Variants in DENND2A observed in about 807,000 individuals in gnomAD.
DENND2A encodes DENN domain containing 2A, also known as DENN domain-containing protein 2A.
DENND2A carries 53 observed loss-of-function variants against 105.3 expected under a neutral mutation model. The observed-to-expected ratio is 0.50, with a 90% CI of 0.40 to 0.63. The LOEUF (loss-of-function observed/expected upper bound fraction) is 0.63. Among genes scored for constraint, DENND2A ranks in the 30% least tolerant of loss-of-function variants. The probability of loss-of-function intolerance (pLI) is 0.00; values close to 1 mark genes in which losing one functional copy is unlikely to be tolerated. For synonymous variants in DENND2A, 522 were observed against 508.4 expected (o/e 1.03, Z -0.36); for missense variants, 1,138 against 1,279.6 (o/e 0.89, Z 1.69).
At chr7:140,591,671 C>CTT (rs1375928954) in intron 3 of DENND2A, among the ~76,000 whole-genome samples, 5,546 of 145,980 alleles carry the variant, frequency 0.038, 209 homozygotes, top group African/African-American at 0.1. Context: ...TTCTTTCTTT[C>CTT]TCTTTCTTTC....
rs367621201 is a variant in DENND2A at position 140,546,849 on chromosome 7, G to T, written c.2128C>A (p.Leu710Met). 5.0e-6 allele frequency: 8 copies of T among 1,614,194 alleles called. No individual in the cohort carries two copies. Among genetic ancestry groups the T allele is most frequent in the Non-Finnish European group, 6.8e-6 (8 of 1,180,026 alleles). The change falls in exon 13 of 20, where the codon CTG becomes ATG. Residue 710 changes from leucine to methionine, a missense_variant. Coordinates refer to ENST00000496613, the MANE Select transcript of DENND2A (RefSeq NM_015689.5). Reference sequence around the variant, plus strand: ...TTCTTGACAAGGATGGTTTTGCCCAGGGCTGGGAAAGGGGCTTCCATGACA... The same window carrying T: ...TTCTTGACAAGGATGGTTTTGCCCATGGCTGGGAAAGGGGCTTCCATGACA... The part of the protein sequence containing the change: ...RSVMEAPFPA[L>M]GKTILVKNFL...
At chr7:140,590,366 G>A (rs1798964325) in intron 3 of DENND2A, among the ~76,000 whole-genome samples, 1 of 151,964 alleles carries the variant, frequency 6.6e-6, no homozygotes, top group Admixed American at 6.6e-5. Flanking sequence ...CTCTAGCCTG[G>A]GCGACAGAGA....
rs888062255 is a variant in DENND2A at position 140,602,546 on chromosome 7, C to T, written c.-145-4G>A. 7 of 722,546 alleles carry T rather than the reference C, an allele frequency of 9.7e-6. No homozygotes were observed. In the Admixed American group the frequency reaches 2.4e-4, roughly 25 times the overall value. The allele number at this position is 722,546 out of a possible 1,614,324, so 44.8% of individuals were successfully genotyped here. A position where few individuals can be genotyped will look rare whatever the true frequency, so the allele number is the denominator to read the frequency against. ...CCTTGGACCTTCCACCTTGACCCTG[C>T]ACAAGAAAGACAAACACCAGGTGAG... On this transcript the variant is annotated splice_region_variant and splice_polypyrimidine_tract_variant and intron_variant, in intron 2 of 19. Coordinates refer to ENST00000496613, the MANE Select transcript of DENND2A (RefSeq NM_015689.5).
chr7:140,592,739 A>C (rs1470806547), intron 3 of DENND2A, among the ~76,000 whole-genome samples: 1 of 151,910 alleles, frequency 6.6e-6, no homozygotes, highest in Non-Finnish European at 1.5e-5. Flanking sequence ...AGCTGGGATT[A>C]CAGGCACCTG....
At chr7:140,572,490 C>T (rs1207351634) in intron 6 of DENND2A, among the ~76,000 whole-genome samples, 1 of 151,388 alleles carries the variant, frequency 6.6e-6, no homozygotes, top group Non-Finnish European at 1.5e-5. Flanking sequence ...TGGCTGGGCA[C>T]GGTGGCTCAT....
chr7:140,628,611 C>T (rs1800621296), intron 1 of DENND2A, among the ~76,000 whole-genome samples: 1 of 145,992 alleles, frequency 6.8e-6, no homozygotes, highest in South Asian at 2.1e-4. Flanking sequence ...GCGATCTCAG[C>T]TCACGGTAAC....
At chr7:140,555,756 C>T in intron 11 of DENND2A, 43 bp from the exon 12 acceptor site, 2 of 1,537,716 alleles carry the variant, frequency 1.3e-6, no homozygotes, top group East Asian at 2.3e-5. Flanking sequence ...TGTTGACAAC[C>T]TCAGGGAAGA....
intron 1 of DENND2A, among the ~76,000 whole-genome samples, chr7:140,610,584 ACT>A: frequency 6.6e-6 from 1 of 152,210 alleles, no homozygotes; most frequent in East Asian, 1.9e-4. Context: ...CTCTGAACAC[ACT>A]GTTTTTTGTT....
chr7:140,527,557 G>C lies in DENND2A; in HGVS notation c.2328-62C>G. On this transcript the variant is annotated intron_variant, in intron 14 of 19. Transcript: ENST00000496613. The surrounding 1 kb of genome is among the most constrained non-coding windows in gnomAD (Gnocchi z 4.9). The stretch of plus-strand genomic sequence containing the variant: ...CAGCGAGGGCCCGAGGAAGCCTCCA[G>C]GGGAGAAGGCTCCTCCCAGAGACAG... 1 of 1,492,660 alleles carries C rather than the reference G, an allele frequency of 6.7e-7. No individual in the cohort carries two copies. The highest frequency in any genetic ancestry group is 2.3e-5 in the East Asian group (1 of 43,048). 92.5% of individuals were successfully genotyped at this position (1,492,660 alleles called of 1,614,324 possible). A position where few individuals can be genotyped will look rare whatever the true frequency, so the allele number is the denominator to read the frequency against.
intron 7 of DENND2A, among the ~76,000 whole-genome samples, chr7:140,569,255 A>G (rs1797992728): frequency 6.6e-6 from 1 of 152,204 alleles, no homozygotes; most frequent in Admixed American, 6.5e-5. Flanking sequence ...TGTATTGCAC[A>G]AACCACGTCT....
chr7:140,633,913 G>A (rs1035384781), intron 1 of DENND2A, among the ~76,000 whole-genome samples: 5 of 151,898 alleles, frequency 3.3e-5, no homozygotes, highest in African/African-American at 9.7e-5. Context: ...TACCAACAAT[G>A]CTGCCACAAA....
At chr7:140,594,452 C>T (rs1411086631) in intron 3 of DENND2A, among the ~76,000 whole-genome samples, 1 of 152,150 alleles carries the variant, frequency 6.6e-6, no homozygotes, top group Non-Finnish European at 1.5e-5. Context: ...CCACTCCCCA[C>T]CCTCCCGCTG....
intron 9 of DENND2A, among the ~76,000 whole-genome samples, chr7:140,563,173 C>G (rs1797699584): frequency 1.3e-5 from 2 of 152,354 alleles, no homozygotes; most frequent in African/African-American, 4.8e-5. Flanking sequence ...GACTGAAGAG[C>G]AGACCTCGTG....
chr7:140,564,384 C>T (rs1797753703), intron 9 of DENND2A, among the ~76,000 whole-genome samples: 1 of 151,826 alleles, frequency 6.6e-6, no homozygotes, highest in Non-Finnish European at 1.5e-5. Flanking sequence ...CTAGGGAATA[C>T]TCACATATTG....
intron 6 of DENND2A, among the ~76,000 whole-genome samples, chr7:140,572,075 C>A (rs1798115822): frequency 6.6e-6 from 1 of 152,110 alleles, no homozygotes; most frequent in South Asian, 2.1e-4. Context: ...ATGATCATAG[C>A]TCACTGCAGC....
chr7:140,632,058 C>A (rs770145240), intron 1 of DENND2A, among the ~76,000 whole-genome samples: 2 of 152,144 alleles, frequency 1.3e-5, no homozygotes, highest in Non-Finnish European at 2.9e-5. Context: ...CCGGGTCAGT[C>A]TGAATTGTGA....
At chr7:140,526,857 G>C (rs1485650830) in intron 15 of DENND2A, among the ~76,000 whole-genome samples, 1 of 152,144 alleles carries the variant, frequency 6.6e-6, no homozygotes, top group African/African-American at 2.4e-5. Context: ...AGGGGCTGGG[G>C]CTAAGTAACT....
chr7:140,628,983 A>G (rs1800635932), intron 1 of DENND2A, among the ~76,000 whole-genome samples: 1 of 152,196 alleles, frequency 6.6e-6, no homozygotes, highest in South Asian at 2.1e-4. Flanking sequence ...CCCTCAAGCT[A>G]GAGATAAAAG....
At chr7:140,584,063 GA>G (rs1198986295) in intron 5 of DENND2A, among the ~76,000 whole-genome samples, 5 of 149,122 alleles carry the variant, frequency 3.4e-5, no homozygotes, top group African/African-American at 1.3e-4. Context: ...CCAACATGGT[GA>G]AACCCCATCT....
Sources: gnomAD v4.1 joint callset for allele counts (sites outside exome capture counted in the v4.1 genomes callset) on GRCh38, gnomAD v4.1.1 for gene constraint, Gnocchi (gnomAD v3.1) non-coding constraint, MANE v1.5 for transcripts, NCBI Gene and HGNC (gene_info 2026-07-23, HGNC 2026-07-21) for gene names.